SLC33A1: variants seen among roughly 807,000 people sequenced by gnomAD.
The protein encoded by SLC33A1 is acetyl-coenzyme A transporter 1.
In SLC33A1, 20 loss-of-function variants were observed where a neutral mutation model predicts 50.0. The observed-to-expected ratio is 0.40, with a 90% CI of 0.28 to 0.58. SLC33A1 has a LOEUF of 0.58. Ranked by LOEUF, SLC33A1 falls within the 20% of genes least tolerant of loss-of-function variation. The pLI is 0.44. For missense variants in SLC33A1, 476 were observed against 657.0 expected, an observed-to-expected ratio of 0.72 and a Z score of 3.01; for synonymous variants, 265 against 251.8, an observed-to-expected ratio of 1.05 and a Z score of -0.50.
intron 1 of SLC33A1, among the ~76,000 whole-genome samples, chr3:155,849,907 C>CAGA (rs1285209258): frequency 1.1e-5 from 1 of 90,354 alleles, no homozygotes; most frequent in Non-Finnish European, 2.5e-5. Flanking sequence ...GACTCCATCT[C>CAGA]AGAATAATAA....
In SLC33A1 at chr3:155,853,829, C is replaced by T. The variant is rs150651158; in HGVS notation, c.169G>A (p.Gly57Ser). 2.5e-6 allele frequency: 4 copies of T among 1,608,838 alleles called. No homozygotes were observed. Among genetic ancestry groups the T allele is most frequent in the Admixed American group, 3.4e-5 (2 of 59,564 alleles). Residue 57 changes from glycine to serine, a missense_variant, in exon 1 of 6, where the codon GGC becomes AGC. Physicochemically the swap from Gly to Ser is moderately conservative, Grantham distance 56. Coordinates refer to ENST00000643144, the MANE Select transcript of SLC33A1 (RefSeq NM_004733.4). ...GDREALLGDTGTGDFLKAPQS... is the reference protein window; with the variant it reads ...GDREALLGDTSTGDFLKAPQS... ...GGGGCTTTTAAGAAGTCGCCAGTGC[C>T]GGTATCCCCCAGAAGAGCTTCTCTG...
intron 4 of SLC33A1, among the ~76,000 whole-genome samples, chr3:155,832,263 C>T (rs1343748817): frequency 6.6e-6 from 1 of 152,024 alleles, no homozygotes; most frequent in East Asian, 1.9e-4. Flanking sequence ...CCTGTAATCC[C>T]AGCTACTTGG....
At position 155,824,486 on chromosome 3, in the gene SLC33A1, T is replaced by C. The variant is rs1752158049; in HGVS notation, c.*3724A>G. ...ATGAAGATTTCTCTTTTGTAGGATA[T>C]AATTCACCCCTGTGGTTTCTCTTCT... is the stretch of plus-strand genomic sequence containing the variant. On this transcript the variant is annotated 3_prime_UTR_variant, in exon 6 of 6. Transcript: ENST00000643144. The C allele has an allele frequency of 6.6e-6, 1 of 152,260 alleles. No homozygotes were observed. The highest frequency in any genetic ancestry group is 2.4e-5 in the African/African-American group (1 of 41,470). 9.4% of individuals were successfully genotyped at this position (152,260 alleles called of 1,614,324 possible). A position where few individuals can be genotyped will look rare whatever the true frequency, so the allele number is the denominator to read the frequency against.
chr3:155,854,256 C>A lies in SLC33A1; in HGVS notation c.-259G>T. The A allele has an allele frequency of 2.8e-6, 1 of 352,350 alleles. No homozygotes were observed. The allele number at this position is 352,350 out of a possible 1,614,324, so 21.8% of individuals were successfully genotyped here. A position where few individuals can be genotyped will look rare whatever the true frequency, so the allele number is the denominator to read the frequency against. ...CGTCAAAGAGCCTGAAGGAGACCCCCGGGCAGCAGCGCCGGGCTCGAGGCT... is the reference window on the plus strand; with the variant it reads ...CGTCAAAGAGCCTGAAGGAGACCCCAGGGCAGCAGCGCCGGGCTCGAGGCT... On this transcript the variant is annotated 5_prime_UTR_variant, in exon 1 of 6. Coordinates refer to ENST00000643144, the MANE Select transcript of SLC33A1 (RefSeq NM_004733.4).
chr3:155,831,706 CTAGT>C (rs1466179853), intron 4 of SLC33A1, among the ~76,000 whole-genome samples: 5 of 152,008 alleles, frequency 3.3e-5, no homozygotes, highest in African/African-American at 1.2e-4. Flanking sequence ...GAAGCATTGA[CTAGT>C]TAAAGTATTT....
At chr3:155,831,491 A>AT (rs34884516) in intron 4 of SLC33A1, among the ~76,000 whole-genome samples, 3 of 143,552 alleles carry the variant, frequency 2.1e-5, no homozygotes, top group African/African-American at 8.0e-5. Flanking sequence ...AAAAAAAAAA[A>AT]TTTGTTGAAG....
In SLC33A1 at chr3:155,843,263, A is replaced by G. The variant is rs1284828596; in HGVS notation, c.776-644T>C. ...GGAAATGATTTTCATATCCCCTAAG[A>G]TCCATCAGTTACATTTCTTATATAC... On this transcript the variant is annotated intron_variant, in intron 1 of 5. Coordinates refer to ENST00000643144, the MANE Select transcript of SLC33A1 (RefSeq NM_004733.4). Among the ~76,000 whole-genome samples the G allele has an allele frequency of 2.6e-5, 4 of 152,178 alleles. No individual in the cohort carries two copies. The East Asian group carries it at 7.7e-4, about 29-fold the overall frequency.
rs1312956559 is a variant in SLC33A1, at chr3:155,827,435, G to A, written c.*775C>T. Reference sequence around the variant, plus strand: ...GCTGTCTGTGTGCCAGGAAGCACTTGTGACAGAAAACATATATAAGCTTAG... The same window carrying A: ...GCTGTCTGTGTGCCAGGAAGCACTTATGACAGAAAACATATATAAGCTTAG... On this transcript the variant is annotated 3_prime_UTR_variant, in exon 6 of 6. Coordinates refer to ENST00000643144, the MANE Select transcript of SLC33A1 (RefSeq NM_004733.4). The A allele has an allele frequency of 2.6e-5, 4 of 152,110 alleles. No homozygotes were observed. The highest frequency in any genetic ancestry group is 5.9e-5 in the Non-Finnish European group (4 of 68,014). The allele number at this position is 152,110 out of a possible 1,614,324, so 9.4% of individuals were successfully genotyped here.
intron 2 of SLC33A1, among the ~76,000 whole-genome samples, chr3:155,838,545 G>A (rs960419228): frequency 1.2e-4 from 18 of 151,848 alleles, no homozygotes; most frequent in African/African-American, 4.1e-4. Flanking sequence ...GCCGGGTGTG[G>A]TGGTGCACAC....
rs1221942916 is a variant in SLC33A1 at position 155,824,620 on chromosome 3, G to C, written c.*3590C>G. ...ATCATAGATTTTTTTTTTCAACATT[G>C]TTTTCAGGATGTTTTAAACACTTTC... On this transcript the variant is annotated 3_prime_UTR_variant, in exon 6 of 6. Coordinates refer to ENST00000643144, the MANE Select transcript of SLC33A1 (RefSeq NM_004733.4). 1.3e-5 allele frequency: 2 copies of C among 150,520 alleles called. No individual in the cohort carries two copies. The highest frequency in any genetic ancestry group is 1.5e-5 in the Non-Finnish European group (1 of 67,708). 9.3% of individuals were successfully genotyped at this position (150,520 alleles called of 1,614,324 possible).
rs1431922606 is a variant in SLC33A1 at position 155,853,216 on chromosome 3, A to G, written c.775+7T>C. ...AACCTAACACCATAATAGCTTAAAT[A>G]CACTACCTGAAAGAGTAACGATTCC... On this transcript the variant is annotated splice_region_variant and intron_variant, in intron 1 of 5. Transcript: ENST00000643144. 1 of 1,609,634 alleles carries G rather than the reference A, an allele frequency of 6.2e-7. No individual in the cohort carries two copies. Among genetic ancestry groups the G allele is most frequent in the Non-Finnish European group, 8.5e-7 (1 of 1,176,146 alleles).
At chr3:155,837,177 A>G (rs1276602590) in intron 2 of SLC33A1, among the ~76,000 whole-genome samples, 4 of 151,714 alleles carry the variant, frequency 2.6e-5, no homozygotes, top group Non-Finnish European at 5.9e-5. Context: ...TGGCTAGGTG[A>G]AACCCCGTCT....
intron 2 of SLC33A1, among the ~76,000 whole-genome samples, chr3:155,840,708 G>A (rs1164563696): frequency 1.3e-5 from 2 of 152,086 alleles, no homozygotes; most frequent in Admixed American, 1.3e-4. Context: ...CAGCTACTTG[G>A]GAGGCTGAGG....
rs144863086 is a variant in SLC33A1 at position 155,841,790 on chromosome 3, C to A, written c.963+642G>T. ...TGAGACAGAGTCTCGCTCTGTCGCT[C>A]CAGCTAGAGTGCCGTGGTGCTATCT... On this transcript the variant is annotated intron_variant, in intron 2 of 5. Coordinates refer to ENST00000643144, the MANE Select transcript of SLC33A1 (RefSeq NM_004733.4). Among the ~76,000 whole-genome samples the A allele has an allele frequency of 6.6e-3, 1,003 of 152,150 alleles. 15 individuals are homozygous for A. The highest frequency in any genetic ancestry group is 0.023 in the African/African-American group (949 of 41,502).
chr3:155,843,256 C>T (rs1753002139), intron 1 of SLC33A1, among the ~76,000 whole-genome samples: 2 of 152,004 alleles, frequency 1.3e-5, no homozygotes, highest in South Asian at 4.1e-4. Flanking sequence ...TTTTCATATC[C>T]CCTAAGATCC....
chr3:155,831,903 A>G (rs774542190), intron 4 of SLC33A1, among the ~76,000 whole-genome samples: 31 of 152,250 alleles, frequency 2.0e-4, no homozygotes, highest in Non-Finnish European at 2.4e-4. Context: ...CCTGGTAGTC[A>G]TATTTTTACG....
intron 2 of SLC33A1, among the ~76,000 whole-genome samples, chr3:155,837,497 T>G (rs1200903585): frequency 1.3e-5 from 2 of 152,162 alleles, no homozygotes; most frequent in Admixed American, 1.3e-4. Flanking sequence ...CAAAATACTA[T>G]GCATCTTCTA....
chr3:155,829,675 A>G lies in SLC33A1; in HGVS notation c.1482+13T>C, dbSNP rs1157865789. On this transcript the variant is annotated intron_variant, in intron 5 of 5. Coordinates refer to ENST00000643144, the MANE Select transcript of SLC33A1 (RefSeq NM_004733.4). ...TATTAGCTTAATGTTATCTAAAATT[A>G]AAACATACTTACCTCAACAGCATCA... 1 of 1,581,446 alleles carries G rather than the reference A, an allele frequency of 6.3e-7. No individual in the cohort carries two copies. The highest frequency in any genetic ancestry group is 8.7e-7 in the Non-Finnish European group (1 of 1,150,176).
rs1276142966 is a variant in SLC33A1 at position 155,842,609 on chromosome 3, A to G, written c.786T>C (p.Phe262=). ...RGIVTLSDFL[F]FWGTVFLITT... ...TTATTAAAAATACAGTTCCCCAGAAAAAAAGGAAATCTGAAAATGTTTTAA... is the reference window on the plus strand; with the variant it reads ...TTATTAAAAATACAGTTCCCCAGAAGAAAAGGAAATCTGAAAATGTTTTAA... The change falls in exon 2 of 6, where the codon TTT becomes TTC. Residue 262 remains phenylalanine (F), a synonymous_variant. Transcript: ENST00000643144. 5 of 1,541,844 alleles carry G rather than the reference A, an allele frequency of 3.2e-6. No individual in the cohort carries two copies. Among genetic ancestry groups the G allele is most frequent in the Non-Finnish European group, 4.4e-6 (5 of 1,137,978 alleles).
Sources: gnomAD v4.1 joint callset for allele counts (sites outside exome capture counted in the v4.1 genomes callset) on GRCh38, gnomAD v4.1.1 for gene constraint, MANE v1.5 for transcripts, NCBI Gene and HGNC (gene_info 2026-07-23, HGNC 2026-07-21) for gene names.